The following TCF20 variants were observed in gnomAD, a reference collection of about 807,000 sequenced individuals.
TCF20 encodes the protein transcription factor 20.
In TCF20, 3 loss-of-function variants were observed where a neutral mutation model predicts 148.6. The ratio of observed to expected loss-of-function variants is 0.02; its 90% confidence interval spans 0.01 to 0.05. The LOEUF (loss-of-function observed/expected upper bound fraction) is 0.05, where lower values mean the gene tolerates loss of function less well. Among genes scored for constraint, TCF20 ranks in the 10% least tolerant of loss-of-function variants. TCF20 has a pLI of 1.00. For missense variants in TCF20, 2,350 were observed against 2,429.3 expected (o/e 0.97, Z 0.69); for synonymous variants, 1,049 against 909.5 (o/e 1.15, Z -2.76).
At chr22:42,257,901 A>G (rs1476168387) in intron 1 of TCF20, among the ~76,000 whole-genome samples, 1 of 152,212 alleles carries the variant, frequency 6.6e-6, no homozygotes, top group Non-Finnish European at 1.5e-5. Context: ...TATAACACTT[A>G]GCACACTGCC....
At chr22:42,223,378 A>G (rs563387909) in intron 1 of TCF20, among the ~76,000 whole-genome samples, 1 of 152,320 alleles carries the variant, frequency 6.6e-6, no homozygotes, top group East Asian at 1.9e-4. Flanking sequence ...TGTACCACAA[A>G]ATTAGGCAAG....
chr22:42,266,915 AT>A (rs1926317661), intron 1 of TCF20, among the ~76,000 whole-genome samples: 1 of 152,116 alleles, frequency 6.6e-6, no homozygotes, highest in Non-Finnish European at 1.5e-5. Flanking sequence ...TTTTATAACA[AT>A]TTTTTCCCTT....
chr22:42,249,324 TATG>T (rs1925174704), intron 1 of TCF20, among the ~76,000 whole-genome samples: 1 of 152,236 alleles, frequency 6.6e-6, no homozygotes, highest in South Asian at 2.1e-4. Context: ...CCATTAATCA[TATG>T]AGCCAATTCC....
chr22:42,308,012 T>C (rs547947589), intron 1 of TCF20, among the ~76,000 whole-genome samples: 7 of 152,260 alleles, frequency 4.6e-5, no homozygotes, highest in Non-Finnish European at 1.0e-4. Flanking sequence ...TAAGACCAGA[T>C]TAATCTGCTT....
At chr22:42,262,311 G>T (rs1255328053) in intron 1 of TCF20, among the ~76,000 whole-genome samples, 1 of 152,164 alleles carries the variant, frequency 6.6e-6, no homozygotes, top group Non-Finnish European at 1.5e-5. Context: ...ACAGATGAAA[G>T]AAGTTATCAT....
intron 3 of TCF20, 90 bp from the exon 4 acceptor site, chr22:42,169,986 A>C: frequency 7.4e-7 from 1 of 1,347,986 alleles, no homozygotes; most frequent in South Asian, 1.2e-5. Flanking sequence ...GTCAGACATA[A>C]AGGTAGCAGG....
chr22:42,342,534 T>C (rs1477018689), intron 1 of TCF20, among the ~76,000 whole-genome samples: 1 of 152,158 alleles, frequency 6.6e-6, no homozygotes, highest in Non-Finnish European at 1.5e-5. Flanking sequence ...TTCATCTCAT[T>C]GGGCAGAGGT....
At chr22:42,274,267 T>A (rs1232103434), upstream of TCF20, 3 of 152,638 alleles carry the variant, frequency 2.0e-5, no homozygotes, top group African/African-American at 4.8e-5. Context: ...AGCCACGCAC[T>A]GTCCCCTTGC....
At chr22:42,252,967 T>C (rs533577781) in intron 1 of TCF20, among the ~76,000 whole-genome samples, 140 of 152,126 alleles carry the variant, frequency 9.2e-4, no homozygotes, top group African/African-American at 3.1e-3. Context: ...ATGAAGTATA[T>C]AGTATATATT....
upstream of TCF20, among the ~76,000 whole-genome samples, chr22:42,271,207 T>C (rs1384674292): frequency 6.6e-6 from 1 of 152,174 alleles, no homozygotes; most frequent in Non-Finnish European, 1.5e-5. Context: ...CCCCCGCCCA[T>C]GGGTTCCAGG....
At chr22:42,294,750 C>T (rs1279797426) in intron 1 of TCF20, among the ~76,000 whole-genome samples, 2 of 152,216 alleles carry the variant, frequency 1.3e-5, no homozygotes, top group African/African-American at 4.8e-5. Flanking sequence ...GACAATGAGG[C>T]TCAGAGGTGG....
At chr22:42,305,138 G>A (rs1927409814) in intron 1 of TCF20, among the ~76,000 whole-genome samples, 2 of 152,060 alleles carry the variant, frequency 1.3e-5, no homozygotes, top group Admixed American at 1.3e-4. Flanking sequence ...CAGTCGTACA[G>A]CACTGCAAAC....
rs1355467607 is a variant in TCF20 at position 42,338,336 on chromosome 22, C to A, written c.-37+5143G>T. On this transcript the variant is annotated intron_variant, in intron 1 of 1. Transcript: ENST00000515426. This position sits in a 1 kb window ranked among gnomAD's most constrained non-coding sequence, Gnocchi z 4.0. ...TGCTGGGTGTGTAATAACGGGTTAA[C>A]CATCACCCCTGGCAGGCAGCAGATC... Among the ~76,000 whole-genome samples, 1 of 152,224 alleles carries A rather than the reference C, an allele frequency of 6.6e-6. No homozygotes were observed. The highest frequency in any genetic ancestry group is 1.5e-5 in the Non-Finnish European group (1 of 68,036).
At chr22:42,198,378 C>T (rs774262746) in intron 2 of TCF20, among the ~76,000 whole-genome samples, 3 of 152,170 alleles carry the variant, frequency 2.0e-5, no homozygotes, top group African/African-American at 4.8e-5. Flanking sequence ...GCATTCAGTA[C>T]ATGTTAGCAG....
In TCF20 at chr22:42,212,885, G is replaced by T. The variant is rs1213086038; in HGVS notation, c.2421C>A (p.Ser807Arg). 3.1e-6 allele frequency: 5 copies of T among 1,614,010 alleles called. No individual in the cohort carries two copies. Among genetic ancestry groups the T allele is most frequent in the Non-Finnish European group, 4.2e-6 (5 of 1,180,022 alleles). Residue 807 changes from serine to arginine, a missense_variant, in exon 2 of 6, where the codon AGC (serine) becomes AGA (arginine). By Grantham distance (110) the Ser-to-Arg change is moderately radical. This residue lies in a region of TCF20 where 1,641 missense variants were observed against 1,662.6 expected (regional missense o/e 0.99). Coordinates refer to ENST00000677622, the MANE Select transcript of TCF20 (RefSeq NM_001378418.1). ...GGGGATTTTCTAATAGAGACCCAAT[G>T]CTTTTGTTCAGAAGGCCCCTGCTAG... ...ELASRGLLNKSIGSLLENPHW... is the reference protein window; with the variant it reads ...ELASRGLLNKRIGSLLENPHW...
chr22:42,250,346 T>G (rs1555946647), intron 1 of TCF20, among the ~76,000 whole-genome samples: 1 of 149,488 alleles, frequency 6.7e-6, no homozygotes, highest in Non-Finnish European at 1.5e-5. Context: ...CTTGGAAGGC[T>G]GAGGCAGGAA....
At chr22:42,250,958 G>A (rs1023857516) in intron 1 of TCF20, among the ~76,000 whole-genome samples, 2 of 152,122 alleles carry the variant, frequency 1.3e-5, no homozygotes, top group Admixed American at 6.6e-5. Flanking sequence ...GCCAGATCTC[G>A]CGAGAAGTCG....
At chr22:42,226,663 C>T (rs1292118976) in intron 1 of TCF20, among the ~76,000 whole-genome samples, 1 of 152,176 alleles carries the variant, frequency 6.6e-6, no homozygotes, top group African/African-American at 2.4e-5. Context: ...CAAGATCACG[C>T]CACTGAACTC....
chr22:42,334,084 A>G (rs926945298), intron 1 of TCF20, among the ~76,000 whole-genome samples: 8 of 152,202 alleles, frequency 5.3e-5, no homozygotes, highest in African/African-American at 1.9e-4. Flanking sequence ...CACCATGGGC[A>G]GCTGGAAGCA....
Sources: allele counts gnomAD v4.1 joint callset (sites outside exome capture counted in the v4.1 genomes callset), GRCh38; gene constraint gnomAD v4.1.1; regional missense constraint gnomAD v4.1.1; non-coding constraint Gnocchi (gnomAD v3.1); transcripts MANE v1.5; gene names NCBI Gene and HGNC (gene_info 2026-07-23, HGNC 2026-07-21).